Variants in BCKDK observed in about 807,000 individuals in gnomAD.
The protein encoded by BCKDK is branched-chain alpha-ketoacid dehydrogenase kinase.
A neutral mutation model predicts 43.9 loss-of-function variants in BCKDK; 28 were observed. The ratio of observed to expected loss-of-function variants is 0.64; its 90% CI spans 0.47 to 0.87. The LOEUF is 0.87. Ranked by LOEUF, BCKDK falls within the 40% of genes least tolerant of loss-of-function variation. The probability of loss-of-function intolerance (pLI) is 0.00; values close to 1 mark genes in which losing one functional copy is unlikely to be tolerated. For missense variants in BCKDK, 483 were observed against 581.4 expected (o/e 0.83, Z 1.74); for synonymous variants, 257 against 234.3 (o/e 1.10, Z -0.88).
At position 31,109,357 on chromosome 16, in the gene BCKDK, A is replaced by G. The variant is rs746084130; in HGVS notation, c.134A>G (p.Glu45Gly). 6.2e-7 allele frequency: 1 copy of G among 1,607,910 alleles called. No homozygotes were observed. Among genetic ancestry groups the G allele is most frequent in the Non-Finnish European group, 8.5e-7 (1 of 1,177,022 alleles). ...ACACACCACGTGGAGATGGCTCGGGAGCGCTCCAAGACCGTCACCTCCTTT... is the reference window on the plus strand; with the variant it reads ...ACACACCACGTGGAGATGGCTCGGGGGCGCTCCAAGACCGTCACCTCCTTT... ...TDTHHVEMAR[E>G]RSKTVTSFYN... Residue 45 changes from glutamate (E) to glycine (G), a missense_variant, in exon 2 of 12, where the codon GAG (glutamate) becomes GGG (glycine). Glu to Gly is a moderately conservative substitution (Grantham distance 98). Coordinates refer to ENST00000219794, the MANE Select transcript of BCKDK (RefSeq NM_005881.4). The surrounding 1 kb of genome is among the most constrained non-coding windows in gnomAD (Gnocchi z 5.3).
Position 31,109,927 on chromosome 16 carries a change from G to T in BCKDK, c.375+144G>T, listed in dbSNP as rs910902195. 1 of 1,370,224 alleles carries T rather than the reference G, an allele frequency of 7.3e-7. No homozygotes were observed. Among genetic ancestry groups the T allele is most frequent in the African/African-American group, 1.4e-5 (1 of 69,956 alleles). The allele number at this position is 1,370,224 out of a possible 1,614,324, so 84.9% of individuals were successfully genotyped here. A position where few individuals can be genotyped will look rare whatever the true frequency, so the allele number is the denominator to read the frequency against. On this transcript the variant is annotated intron_variant, in intron 4 of 11. Coordinates refer to ENST00000219794, the MANE Select transcript of BCKDK (RefSeq NM_005881.4). The surrounding 1 kb of genome is among the most constrained non-coding windows in gnomAD (Gnocchi z 5.3). Reference sequence around the variant, plus strand: ...AACCCCAGGCCTTCAGAAGCCAAAGGTGTGTATTCACGGAGCCTGGAAGGG... The same window carrying T: ...AACCCCAGGCCTTCAGAAGCCAAAGTTGTGTATTCACGGAGCCTGGAAGGG...
Position 31,110,436 on chromosome 16 carries a change from G to A in BCKDK, c.579G>A (p.Thr193=), listed in dbSNP as rs756441659. The A allele has an allele frequency of 3.1e-6, 5 of 1,613,914 alleles. No individual in the cohort carries two copies. Among genetic ancestry groups the A allele is most frequent in the Admixed American group, 1.7e-5 (1 of 60,018 alleles). The change falls in exon 7 of 12, where the codon ACG becomes ACA. Residue 193 remains threonine, a synonymous_variant. Coordinates refer to ENST00000219794, the MANE Select transcript of BCKDK (RefSeq NM_005881.4). This position sits in a 1 kb window ranked among gnomAD's most constrained non-coding sequence, Gnocchi z 5.4. ...TCGTCCGCTACTTCTTGGACAAGAC[G>A]CTGACTTCGAGGCTTGGAATCCGCA... ...EKLVRYFLDK[T]LTSRLGIRML... is the part of the protein sequence containing the mutation.
At position 31,110,016 on chromosome 16, in the gene BCKDK, G is replaced by T; in HGVS notation, c.376-61G>T. ...TGGTGATCCCCATGGGTAGGTGGGG[G>T]TGGCTGTTCTCTGCTCAGTGCCCAT... On this transcript the variant is annotated intron_variant, in intron 4 of 11. Transcript: ENST00000219794. The surrounding 1 kb of genome is among the most constrained non-coding windows in gnomAD (Gnocchi z 5.4). 21 of 1,608,184 alleles carry T rather than the reference G, an allele frequency of 1.3e-5. No homozygotes were observed. Among genetic ancestry groups the T allele is most frequent in the Non-Finnish European group, 1.8e-5 (21 of 1,174,872 alleles).
rs1567427758 is a variant in BCKDK, at chr16:31,109,191, C to T, written c.-33C>T. On this transcript the variant is annotated 5_prime_UTR_variant, in exon 2 of 12. Transcript: ENST00000219794. The surrounding 1 kb of genome is among the most constrained non-coding windows in gnomAD (Gnocchi z 5.3). ...CCTCAGTCCTAGCGGATCCTCAGTC[C>T]TAGCGGCCACCGGGTCTGAAAGGAG... 1.3e-6 allele frequency: 2 copies of T among 1,483,620 alleles called. No individual in the cohort carries two copies. Among genetic ancestry groups the T allele is most frequent in the South Asian group, 1.4e-5 (1 of 72,060 alleles). 91.9% of individuals were successfully genotyped at this position (1,483,620 alleles called of 1,614,324 possible). A position where few individuals can be genotyped will look rare whatever the true frequency, so the allele number is the denominator to read the frequency against.
Position 31,112,405 on chromosome 16 carries a change from G to A in BCKDK, c.*140G>A. 1 of 1,377,822 alleles carries A rather than the reference G, an allele frequency of 7.3e-7. No individual in the cohort carries two copies. The highest frequency in any genetic ancestry group is 1.4e-5 in the African/African-American group (1 of 70,046). The allele number at this position is 1,377,822 out of a possible 1,614,324, so 85.3% of individuals were successfully genotyped here. A position where few individuals can be genotyped will look rare whatever the true frequency, so the allele number is the denominator to read the frequency against. ...GGACCCAGACAGATGGACTTACATG[G>A]AGCTGGGCACTGCCCTGCCTCAACA... On this transcript the variant is annotated 3_prime_UTR_variant, in exon 12 of 12. Coordinates refer to ENST00000219794, the MANE Select transcript of BCKDK (RefSeq NM_005881.4). This position sits in a 1 kb window ranked among gnomAD's most constrained non-coding sequence, Gnocchi z 5.0.
Position 31,109,214 on chromosome 16 carries a change from G to T in BCKDK, c.-10G>T. The T allele has an allele frequency of 6.6e-7, 1 of 1,507,622 alleles. No homozygotes were observed. Among genetic ancestry groups the T allele is most frequent in the South Asian group, 1.3e-5 (1 of 74,996 alleles). The allele number at this position is 1,507,622 out of a possible 1,614,324, so 93.4% of individuals were successfully genotyped here. On this transcript the variant is annotated 5_prime_UTR_variant, in exon 2 of 12. Transcript: ENST00000219794. This position sits in a 1 kb window ranked among gnomAD's most constrained non-coding sequence, Gnocchi z 5.3. ...TCCTAGCGGCCACCGGGTCTGAAAG[G>T]AGCAAGACGATGATCCTGGCGTCGG...
At position 31,109,454 on chromosome 16, in the gene BCKDK, G is replaced by A. The variant is rs772946254; in HGVS notation, c.195+36G>A. The A allele has an allele frequency of 6.2e-7, 1 of 1,613,438 alleles. No individual in the cohort carries two copies. Among genetic ancestry groups the A allele is most frequent in the Non-Finnish European group, 8.5e-7 (1 of 1,179,762 alleles). The stretch of plus-strand genomic sequence containing the variant: ...GGGCAGCCAGCCCAGGGTCCGGGAT[G>A]TAGGCGGGAGGGAGAGTGTTGGGGG... On this transcript the variant is annotated intron_variant, in intron 2 of 11. Coordinates refer to ENST00000219794, the MANE Select transcript of BCKDK (RefSeq NM_005881.4). This position sits in a 1 kb window ranked among gnomAD's most constrained non-coding sequence, Gnocchi z 5.3.
chr16:31,115,524 CCTTTT>C (rs979720134), downstream of BCKDK, among the ~76,000 whole-genome samples: 74 of 152,004 alleles, frequency 4.9e-4, no homozygotes, highest in African/African-American at 1.6e-3. Flanking sequence ...CGCCCAGCCT[CCTTTT>C]CTTTCCCCCC....
chr16:31,114,200 G>T (rs2057433181), downstream of BCKDK, among the ~76,000 whole-genome samples: 1 of 151,854 alleles, frequency 6.6e-6, no homozygotes, highest in Non-Finnish European at 1.5e-5. Flanking sequence ...TGTTTGTTTT[G>T]TTTCGTTTTG....
chr16:31,109,459 C>T lies in BCKDK; in HGVS notation c.195+41C>T, dbSNP rs377647655. 1.0e-4 allele frequency: 169 copies of T among 1,613,108 alleles called. No homozygotes were observed. The highest frequency in any genetic ancestry group is 1.3e-4 in the Non-Finnish European group (151 of 1,179,670). On this transcript the variant is annotated intron_variant, in intron 2 of 11. Transcript: ENST00000219794. This position sits in a 1 kb window ranked among gnomAD's most constrained non-coding sequence, Gnocchi z 5.3. Reference sequence around the variant, plus strand: ...GCCAGCCCAGGGTCCGGGATGTAGGCGGGAGGGAGAGTGTTGGGGGTTCTC... The same window carrying T: ...GCCAGCCCAGGGTCCGGGATGTAGGTGGGAGGGAGAGTGTTGGGGGTTCTC...
chr16:31,112,083 T>C lies in BCKDK; in HGVS notation c.1095-38T>C, dbSNP rs1399757171. On this transcript the variant is annotated intron_variant, in intron 11 of 11. Coordinates refer to ENST00000219794, the MANE Select transcript of BCKDK (RefSeq NM_005881.4). This position sits in a 1 kb window ranked among gnomAD's most constrained non-coding sequence, Gnocchi z 5.0. ...TGGGGGACCCCAGGAGACTCAAGCC[T>C]CTGAAGCCTCCTGTCCTGTCCCCCT... The C allele has an allele frequency of 6.2e-7, 1 of 1,609,882 alleles. No homozygotes were observed. Among genetic ancestry groups the C allele is most frequent in the South Asian group, 1.1e-5 (1 of 90,546 alleles).
At position 31,109,251 on chromosome 16, in the gene BCKDK, G is replaced by T; in HGVS notation, c.28G>T (p.Gly10Cys). 1 of 1,537,866 alleles carries T rather than the reference G, an allele frequency of 6.5e-7. No homozygotes were observed. Residue 10 changes from glycine to cysteine, a missense_variant, in exon 2 of 12, where the codon GGT (glycine) becomes TGT (cysteine). By Grantham distance (159) the Gly-to-Cys change is radical (BLOSUM62 -3). Transcript: ENST00000219794. The surrounding 1 kb of genome is among the most constrained non-coding windows in gnomAD (Gnocchi z 5.3). MILASVLRS[G>C]PGGGLPLRPL... ...GATCCTGGCGTCGGTGCTGAGGAGC[G>T]GTCCCGGGGGCGGGCTTCCGCTCCG...
At position 31,110,850 on chromosome 16, in the gene BCKDK, G is replaced by T; in HGVS notation, c.716+89G>T. The stretch of plus-strand genomic sequence containing the variant: ...CCTTGCCCGGGGCATGATCTGCGGG[G>T]AGCAGGGTTTCTCAACCATGGCACT... On this transcript the variant is annotated intron_variant, in intron 8 of 11. Coordinates refer to ENST00000219794, the MANE Select transcript of BCKDK (RefSeq NM_005881.4). The surrounding 1 kb of genome is among the most constrained non-coding windows in gnomAD (Gnocchi z 5.4). The T allele has an allele frequency of 6.7e-7, 1 of 1,487,298 alleles. No homozygotes were observed. The highest frequency in any genetic ancestry group is 9.4e-7 in the Non-Finnish European group (1 of 1,068,752). The allele number at this position is 1,487,298 out of a possible 1,614,324, so 92.1% of individuals were successfully genotyped here. A position where few individuals can be genotyped will look rare whatever the true frequency, so the allele number is the denominator to read the frequency against.
Position 31,110,891 on chromosome 16 carries a change from C to G in BCKDK, c.716+130C>G. On this transcript the variant is annotated intron_variant, in intron 8 of 11. Transcript: ENST00000219794. The surrounding 1 kb of genome is among the most constrained non-coding windows in gnomAD (Gnocchi z 5.4). ...CCATGGCACTATTGACATTTCCAGC[C>G]AGATAATTCTTTGTCACAGGGGCTG... 1 of 1,383,920 alleles carries G rather than the reference C, an allele frequency of 7.2e-7. No homozygotes were observed. The highest frequency in any genetic ancestry group is 1.0e-6 in the Non-Finnish European group (1 of 992,404). 85.7% of individuals were successfully genotyped at this position (1,383,920 alleles called of 1,614,324 possible).
Position 31,108,546 on chromosome 16 carries a change from C to G in BCKDK, c.-178+67C>G, listed in dbSNP as rs1322959740. On this transcript the variant is annotated intron_variant, in intron 1 of 11. Coordinates refer to ENST00000219794, the MANE Select transcript of BCKDK (RefSeq NM_005881.4). The surrounding 1 kb of genome is among the most constrained non-coding windows in gnomAD (Gnocchi z 6.2). ...CGCGGCGCACGTCCGCAGCCTCCAT[C>G]ACAGCGCGGGCGCGCAGACGGGGCT... 3 of 152,192 alleles carry G rather than the reference C, an allele frequency of 2.0e-5. No individual in the cohort carries two copies. The highest frequency in any genetic ancestry group is 4.4e-5 in the Non-Finnish European group (3 of 68,046). 9.4% of individuals were successfully genotyped at this position (152,192 alleles called of 1,614,324 possible). A position where few individuals can be genotyped will look rare whatever the true frequency, so the allele number is the denominator to read the frequency against.
rs1465688577 is a variant in BCKDK, at chr16:31,111,352, A to G, written c.898A>G (p.Ile300Val). The G allele has an allele frequency of 6.2e-6, 10 of 1,614,190 alleles. No homozygotes were observed. The highest frequency in any genetic ancestry group is 8.5e-6 in the Non-Finnish European group (10 of 1,180,026). The change falls in exon 10 of 12, where the codon ATC becomes GTC. Residue 300 changes from isoleucine to valine, a missense_variant. Coordinates refer to ENST00000219794, the MANE Select transcript of BCKDK (RefSeq NM_005881.4). ...TCCCTACAATGTCCCAGATGTGGTC[A>G]TCACCATCGCCAACAATGATGTCGA... ...DTPYNVPDVVITIANNDVDLI... is the reference protein window; with the variant it reads ...DTPYNVPDVVVTIANNDVDLI...
Position 31,110,775 on chromosome 16 carries a change from G to A in BCKDK, c.716+14G>A. The A allele has an allele frequency of 2.5e-6, 4 of 1,612,880 alleles. No individual in the cohort carries two copies. The highest frequency in any genetic ancestry group is 3.4e-6 in the Non-Finnish European group (4 of 1,178,860). On this transcript the variant is annotated intron_variant, in intron 8 of 11. Coordinates refer to ENST00000219794, the MANE Select transcript of BCKDK (RefSeq NM_005881.4). This position sits in a 1 kb window ranked among gnomAD's most constrained non-coding sequence, Gnocchi z 5.4. ...GGACTTTGCCAGGTGAGGCAAGAAT[G>A]GCTCAGGGGGTGGGCAGACATCTGG...
Position 31,110,592 on chromosome 16 carries a change from G to A in BCKDK, c.642+93G>A. 6.3e-7 allele frequency: 1 copy of A among 1,587,862 alleles called. No homozygotes were observed. Among genetic ancestry groups the A allele is most frequent in the South Asian group, 1.1e-5 (1 of 90,510 alleles). ...CCGGGTCAAGGGCCTGGGGGCTGAG[G>A]CTGTGGGGCTGGTGCTTTGGGGCAG... On this transcript the variant is annotated intron_variant, in intron 7 of 11. Coordinates refer to ENST00000219794, the MANE Select transcript of BCKDK (RefSeq NM_005881.4). This position sits in a 1 kb window ranked among gnomAD's most constrained non-coding sequence, Gnocchi z 5.4.
In BCKDK at chr16:31,109,454, G is replaced by C. The variant is rs772946254; in HGVS notation, c.195+36G>C. 6.2e-7 allele frequency: 1 copy of C among 1,613,438 alleles called. No individual in the cohort carries two copies. Among genetic ancestry groups the C allele is most frequent in the Non-Finnish European group, 8.5e-7 (1 of 1,179,762 alleles). ...GGGCAGCCAGCCCAGGGTCCGGGAT[G>C]TAGGCGGGAGGGAGAGTGTTGGGGG... On this transcript the variant is annotated intron_variant, in intron 2 of 11. Coordinates refer to ENST00000219794, the MANE Select transcript of BCKDK (RefSeq NM_005881.4). The surrounding 1 kb of genome is among the most constrained non-coding windows in gnomAD (Gnocchi z 5.3).
Sources: gnomAD v4.1 joint callset for allele counts (sites outside exome capture counted in the v4.1 genomes callset) on GRCh38, gnomAD v4.1.1 for gene constraint, Gnocchi (gnomAD v3.1) non-coding constraint, MANE v1.5 for transcripts, NCBI Gene and HGNC (gene_info 2026-07-23, HGNC 2026-07-21) for gene names.